Variants in PRKD2 observed in about 807,000 individuals in gnomAD.
PRKD2 encodes serine/threonine-protein kinase D2.
PRKD2 carries 22 observed loss-of-function variants against 86.0 expected under a neutral mutation model. That is an observed-to-expected ratio of 0.26 (90% CI 0.18 to 0.37). The LOEUF (loss-of-function observed/expected upper bound fraction) is 0.37, where lower values mean the gene tolerates loss of function less well. Among genes scored for constraint, PRKD2 ranks in the 10% least tolerant of loss-of-function variants. The pLI is 1.00. For synonymous variants in PRKD2, 509 were observed against 510.9 expected (o/e 1.00, Z 0.05); for missense variants, 818 against 1,199.2 (o/e 0.68, Z 4.70).
intron 9 of PRKD2, among the ~76,000 whole-genome samples, chr19:46,696,731 G>C (rs1181439080): frequency 6.6e-6 from 1 of 152,094 alleles, no homozygotes; most frequent in Non-Finnish European, 1.5e-5. Context: ...CTCCAGCTGG[G>C]CGACAGAGTG....
chr19:46,697,319 G>A, intron 8 of PRKD2, 85 bp from the exon 9 acceptor site: 9 of 1,027,810 alleles, frequency 8.8e-6, no homozygotes, highest in East Asian at 4.8e-5. Context: ...GGCTCCAGGT[G>A]CCTGGAGCAC....
Position 46,691,794 on chromosome 19 carries a change from A to G in PRKD2, c.1643T>C (p.Val548Ala). The G allele has an allele frequency of 1.2e-6, 2 of 1,613,948 alleles. No homozygotes were observed. Among genetic ancestry groups the G allele is most frequent in the Non-Finnish European group, 1.7e-6 (2 of 1,180,044 alleles). ...QIQENVDIAT[V>A]YQIFPDEVLG... Reference sequence around the variant, plus strand: ...CACTTCGTCAGGGAAGATCTGGTAGACAGTGGCAATGTCCTACAGGGTGAA... The same window carrying G: ...CACTTCGTCAGGGAAGATCTGGTAGGCAGTGGCAATGTCCTACAGGGTGAA... Residue 548 changes from valine to alanine, a missense_variant, in exon 12 of 18, where the codon GTC becomes GCC. Transcript: ENST00000291281.
chr19:46,711,639 C>T lies in PRKD2; in HGVS notation c.380-601G>A, dbSNP rs566505324. Among the ~76,000 whole-genome samples, 4 of 152,204 alleles carry T rather than the reference C, an allele frequency of 2.6e-5. No homozygotes were observed. In the East Asian group the frequency reaches 5.8e-4, roughly 22 times the overall value. ...AACTCCCGACCTCAGGTGATCTGCC[C>T]GCCTCGGTCTCTCAAAGTGTTGGGA... is the stretch of plus-strand genomic sequence containing the variant. On this transcript the variant is annotated intron_variant, in intron 2 of 17. Transcript: ENST00000291281.
Position 46,713,894 on chromosome 19 carries a change from C to G in PRKD2, c.348G>C (p.Gln116His). The G allele has an allele frequency of 5.6e-6, 9 of 1,612,348 alleles. No individual in the cohort carries two copies. Among genetic ancestry groups the G allele is most frequent in the Non-Finnish European group, 7.6e-6 (9 of 1,179,342 alleles). ...GCACCACCTCCACCAGGTCGCCCTC[C>G]TGGATGTCTCCGGACGAGCGCACCA... ...LQLVRSSGDIQEGDLVEVVLS... is the reference protein window; with the variant it reads ...LQLVRSSGDIHEGDLVEVVLS... The change falls in exon 2 of 18, where the codon CAG becomes CAC. Residue 116 changes from glutamine to histidine, a missense_variant. By Grantham distance (24) the Gln-to-His change is conservative. Around this residue, in one of 5 missense-constraint regions of PRKD2, gnomAD observed 403 missense variants for 518.6 expected, o/e 0.78. Coordinates refer to ENST00000291281, the MANE Select transcript of PRKD2 (RefSeq NM_016457.5).
At chr19:46,703,958 A>AACAAC (rs1555830816) in intron 5 of PRKD2, among the ~76,000 whole-genome samples, 348 of 133,732 alleles carry the variant, frequency 2.6e-3, no homozygotes, top group African/African-American at 7.7e-3. Flanking sequence ...AAACAACAAC[A>AACAAC]ACACACACAC....
At chr19:46,694,400 G>A (rs1320834476) in intron 9 of PRKD2, among the ~76,000 whole-genome samples, 1 of 152,090 alleles carries the variant, frequency 6.6e-6, no homozygotes, top group Non-Finnish European at 1.5e-5. Context: ...TTCGAGACCA[G>A]CCTGGCCAAC....
At chr19:46,683,832 G>A (rs547104188) in intron 14 of PRKD2, among the ~76,000 whole-genome samples, 42 of 152,138 alleles carry the variant, frequency 2.8e-4, no homozygotes, top group South Asian at 8.3e-4. Flanking sequence ...TACTGTTGTT[G>A]TTATTAGTTA....
Position 46,681,631 on chromosome 19 carries a change from A to C in PRKD2, c.2070+19T>G. Reference sequence around the variant, plus strand: ...AGTGTTGCCTGGATTTCCCCAAATCAGGAGGGGACATAACTGACCTGAGGA... The same window carrying C: ...AGTGTTGCCTGGATTTCCCCAAATCCGGAGGGGACATAACTGACCTGAGGA... On this transcript the variant is annotated intron_variant, in intron 15 of 17. Transcript: ENST00000291281. 2.0e-6 allele frequency: 3 copies of C among 1,522,590 alleles called. No homozygotes were observed. Among genetic ancestry groups the C allele is most frequent in the Non-Finnish European group, 2.7e-6 (3 of 1,116,046 alleles). 94.3% of individuals were successfully genotyped at this position (1,522,590 alleles called of 1,614,324 possible). A position where few individuals can be genotyped will look rare whatever the true frequency, so the allele number is the denominator to read the frequency against.
chr19:46,680,944 A>T (rs1215702734), intron 15 of PRKD2, among the ~76,000 whole-genome samples: 1,775 of 42,976 alleles, frequency 0.041, 52 homozygotes, highest in South Asian at 0.13. Flanking sequence ...ATATATATAT[A>T]TATTTTTTTT....
At chr19:46,702,011 T>A (rs1240416362) in intron 5 of PRKD2, among the ~76,000 whole-genome samples, 1 of 151,564 alleles carries the variant, frequency 6.6e-6, no homozygotes, top group Non-Finnish European at 1.5e-5. Context: ...AAACCTATTT[T>A]ATGAAGGTTC....
chr19:46,694,149 C>A lies in PRKD2; in HGVS notation c.1318-16G>T, dbSNP rs756220895. The stretch of plus-strand genomic sequence containing the variant: ...GCGGAATTTCCTGCAGGACGTGGAA[C>A]CAGCACAGGTGAGGATGCCAGGCAG... On this transcript the variant is annotated splice_polypyrimidine_tract_variant and intron_variant, in intron 9 of 17. Transcript: ENST00000291281. The A allele has an allele frequency of 5.0e-6, 8 of 1,611,906 alleles. No individual in the cohort carries two copies. Among genetic ancestry groups the A allele is most frequent in the South Asian group, 1.1e-5 (1 of 90,984 alleles).
chr19:46,714,488 G>GGGGGGGGGGGGGGGGT (rs1262083696), intron 1 of PRKD2: 1 of 120,032 alleles, frequency 8.3e-6, no homozygotes, highest in Non-Finnish European at 1.8e-5. Context: ...GGGGGGGGGG[G>GGGGGGGGGGGGGGGGT]CCGGGGGACT....
intron 7 of PRKD2, among the ~76,000 whole-genome samples, chr19:46,698,605 G>T (rs2053593852): frequency 6.6e-6 from 1 of 152,162 alleles, no homozygotes; most frequent in Non-Finnish European, 1.5e-5. Context: ...AACCTCTCTG[G>T]GCCTCACCTC....
At chr19:46,696,476 G>T (rs1052108022) in intron 9 of PRKD2, among the ~76,000 whole-genome samples, 2 of 152,024 alleles carry the variant, frequency 1.3e-5, no homozygotes, top group African/African-American at 4.8e-5. Flanking sequence ...AAGAAATAGT[G>T]AGGCCGGGTG....
chr19:46,706,590 G>A (rs960079414), intron 3 of PRKD2, among the ~76,000 whole-genome samples: 2 of 152,146 alleles, frequency 1.3e-5, no homozygotes, highest in South Asian at 2.1e-4. Context: ...AACTCCTGTC[G>A]GAATGTAGTC....
intron 11 of PRKD2, 59 bp downstream of exon 11, chr19:46,691,874 G>A (rs1459279815): frequency 5.6e-6 from 9 of 1,610,086 alleles, no homozygotes; most frequent in South Asian, 5.5e-5. Context: ...TCAAGGAGAC[G>A]AGAGAGCTGA....
chr19:46,714,388 T>C, intron 1 of PRKD2: 1 of 854,866 alleles, frequency 1.2e-6, no homozygotes, highest in Non-Finnish European at 1.4e-6. Context: ...TTCCTGGATC[T>C]GTCTATTGTT....
At chr19:46,712,370 G>A (rs1055533501) in intron 2 of PRKD2, among the ~76,000 whole-genome samples, 7 of 151,656 alleles carry the variant, frequency 4.6e-5, no homozygotes, top group South Asian at 2.1e-4. Context: ...GTGAAATCCC[G>A]TCTCTACTAA....
At chr19:46,691,680 C>A in intron 12 of PRKD2, 55 bp downstream of exon 12, 1 of 1,561,192 alleles carries the variant, frequency 6.4e-7, no homozygotes, top group Non-Finnish European at 8.8e-7. Flanking sequence ...GCTGGAGCCA[C>A]AGCAGCTTCC....
Sources: allele counts gnomAD v4.1 joint callset (sites outside exome capture counted in the v4.1 genomes callset), GRCh38; gene constraint gnomAD v4.1.1; regional missense constraint gnomAD v4.1.1; transcripts MANE v1.5; gene names NCBI Gene and HGNC (gene_info 2026-07-23, HGNC 2026-07-21).